Variants in WFIKKN1 observed in about 807,000 individuals in gnomAD.
The protein encoded by WFIKKN1 is WAP, Kazal, immunoglobulin, Kunitz and NTR domain-containing protein 1.
WFIKKN1 carries 6 observed loss-of-function variants against 4.6 expected under a neutral mutation model. The ratio of observed to expected loss-of-function variants is 1.31; its 90% confidence interval spans 0.72 to 2.59. The LOEUF (loss-of-function observed/expected upper bound fraction) is 2.59. Among genes scored for constraint, WFIKKN1 ranks in the 30% most tolerant of loss-of-function variants. WFIKKN1 has a pLI of 0.00. For synonymous variants in WFIKKN1, 468 were observed against 367.4 expected (o/e 1.27, Z -3.13); for missense variants, 964 against 818.0 (o/e 1.18, Z -2.18).
rs755902478 is a variant in WFIKKN1 at position 632,896 on chromosome 16, C to T, written c.486C>T (p.Ser162=). The change falls in exon 2 of 2, where the codon AGC becomes AGT. Residue 162 remains serine (S), a synonymous_variant. Transcript: ENST00000319070. ...TCGTGCCCTGCAAGCACGTGCTCAG[C>T]TGGCCGCCCAGCAGCCCGGGGCCGC... ...LHIVPCKHVL[S]WPPSSPGPPE... 1.3e-6 allele frequency: 2 copies of T among 1,568,510 alleles called. No individual in the cohort carries two copies. Among genetic ancestry groups the T allele is most frequent in the East Asian group, 2.3e-5 (1 of 44,024 alleles).
Position 633,917 on chromosome 16 carries a change from A to G in WFIKKN1, c.1507A>G (p.Ile503Val), listed in dbSNP as rs1203443780. 6.3e-7 allele frequency: 1 copy of G among 1,595,096 alleles called. No individual in the cohort carries two copies. Among genetic ancestry groups the G allele is most frequent in the Non-Finnish European group, 8.5e-7 (1 of 1,171,804 alleles). The part of the protein sequence containing the change: ...NMTAGDGPLV[I>V]MGEVRDGVAV... ...GACGGCGGGCGACGGGCCGCTGGTC[A>G]TCATGGGTGAGGTGCGCGATGGCGT... is the stretch of plus-strand genomic sequence containing the variant. Residue 503 changes from isoleucine (I) to valine (V), a missense_variant, in exon 2 of 2, where the codon ATC becomes GTC. By Grantham distance (29) the Ile-to-Val change is conservative. Transcript: ENST00000319070.
rs374779276 is a variant in WFIKKN1 at position 632,901 on chromosome 16, C to T, written c.491C>T (p.Pro164Leu). 2.2e-5 allele frequency: 35 copies of T among 1,566,488 alleles called. No homozygotes were observed. Among genetic ancestry groups the T allele is most frequent in the Non-Finnish European group, 2.8e-5 (32 of 1,156,676 alleles). Reference sequence around the variant, plus strand: ...CCCTGCAAGCACGTGCTCAGCTGGCCGCCCAGCAGCCCGGGGCCGCCGGAG... The same window carrying T: ...CCCTGCAAGCACGTGCTCAGCTGGCTGCCCAGCAGCCCGGGGCCGCCGGAG... ...IVPCKHVLSW[P>L]PSSPGPPETT... Residue 164 changes from proline (P) to leucine (L), a missense_variant, in exon 2 of 2, where the codon CCG (proline) becomes CTG (leucine). Coordinates refer to ENST00000319070, the MANE Select transcript of WFIKKN1 (RefSeq NM_053284.3).
rs1170916752 is a variant in WFIKKN1, at chr16:633,347, C to T, written c.937C>T (p.His313Tyr). The change falls in exon 2 of 2, where the codon CAC (histidine) becomes TAC (tyrosine). Residue 313 changes from histidine to tyrosine, a missense_variant. Physicochemically the swap from His to Tyr is moderately conservative, Grantham distance 83 (BLOSUM62 2). Coordinates refer to ENST00000319070, the MANE Select transcript of WFIKKN1 (RefSeq NM_053284.3). ...VQACTGPTSPHLVLWHYDPQR... is the reference protein window; with the variant it reads ...VQACTGPTSPYLVLWHYDPQR... ...GGCCTGCACGGGCCCCACTTCCCCA[C>T]ACCTTGTCCTCTGGCACTACGACCC... The T allele has an allele frequency of 1.3e-6, 2 of 1,576,652 alleles. No homozygotes were observed. The highest frequency in any genetic ancestry group is 8.6e-7 in the Non-Finnish European group (1 of 1,165,994).
In WFIKKN1 at chr16:632,627, C is replaced by T. The variant is rs138345591; in HGVS notation, c.217C>T (p.His73Tyr). The T allele has an allele frequency of 9.4e-6, 15 of 1,593,624 alleles. No homozygotes were observed. The highest frequency in any genetic ancestry group is 6.9e-5 in the Admixed American group (4 of 58,310). ...EKCCINVCGL[H>Y]SCVAARFPGS... is the part of the protein sequence containing the mutation. ...GTGCTGCATCAACGTGTGTGGACTG[C>T]ACAGCTGCGTGGCAGCACGCTTCCC... The change falls in exon 2 of 2, where the codon CAC becomes TAC. Residue 73 changes from histidine to tyrosine, a missense_variant. Physicochemically the swap from His to Tyr is moderately conservative, Grantham distance 83 (BLOSUM62 2). Transcript: ENST00000319070.
In WFIKKN1 at chr16:633,292, A is replaced by C. The variant is rs781475395; in HGVS notation, c.882A>C (p.Pro294=). 1 of 1,587,850 alleles carries C rather than the reference A, an allele frequency of 6.3e-7. No individual in the cohort carries two copies. The highest frequency in any genetic ancestry group is 1.1e-5 in the South Asian group (1 of 88,180). Reference sequence around the variant, plus strand: ...CCAGGGACGCAGCCCCCAGCATCCCAGCCCCGGCCGAGTGCCTGCCGGATG... The same window carrying C: ...CCAGGGACGCAGCCCCCAGCATCCCCGCCCCGGCCGAGTGCCTGCCGGATG... The part of the protein sequence containing the change: ...EPARDAAPSI[P]APAECLPDVQ... The change falls in exon 2 of 2, where the codon CCA becomes CCC. Residue 294 remains proline, a synonymous_variant. Coordinates refer to ENST00000319070, the MANE Select transcript of WFIKKN1 (RefSeq NM_053284.3).
At position 631,434 on chromosome 16, in the gene WFIKKN1, G is replaced by T. The variant is rs1202627213; in HGVS notation, c.171+10G>T. The T allele has an allele frequency of 3.7e-6, 6 of 1,603,182 alleles. No homozygotes were observed. Among genetic ancestry groups the T allele is most frequent in the South Asian group, 3.3e-5 (3 of 90,732 alleles). On this transcript the variant is annotated intron_variant, in intron 1 of 1. Transcript: ENST00000319070. ...GTGTAGCAGGGACCAGGTGAGTGTG[G>T]TCGGGCCGGGGTCCTGGGGCTCAGA...
rs766998885 is a variant in WFIKKN1, at chr16:631,276, T to A, written c.23T>A (p.Leu8Gln). 1 of 1,582,376 alleles carries A rather than the reference T, an allele frequency of 6.3e-7. No individual in the cohort carries two copies. The highest frequency in any genetic ancestry group is 2.3e-5 in the East Asian group (1 of 43,642). The change falls in exon 1 of 2, where the codon CTG (leucine) becomes CAG (glutamine). Residue 8 changes from leucine to glutamine, a missense_variant. Physicochemically the swap from Leu to Gln is moderately radical, Grantham distance 113 (BLOSUM62 -2). Coordinates refer to ENST00000319070, the MANE Select transcript of WFIKKN1 (RefSeq NM_053284.3). ...CTCATGCCCGCCCTACGTCCACTCC[T>A]GCCGCTCCTGCTCCTCCTCCGGCTG... MPALRPLLPLLLLLRLTS... is the reference protein window; with the variant it reads MPALRPLQPLLLLLRLTS...
In WFIKKN1 at chr16:631,205, AG is replaced by A; in HGVS notation, c.-47del. On this transcript the variant is annotated 5_prime_UTR_variant, in exon 1 of 2. Transcript: ENST00000319070. ...AGGAAGCTGGGCTCTGTGGAGCCCG[AG>A]GAGGGGCTGGTGGCCACACCCCCCG... The A allele has an allele frequency of 6.6e-7, 1 of 1,516,544 alleles. No homozygotes were observed. The highest frequency in any genetic ancestry group is 8.8e-7 in the Non-Finnish European group (1 of 1,137,370). The allele number at this position is 1,516,544 out of a possible 1,614,324, so 93.9% of individuals were successfully genotyped here. A position where few individuals can be genotyped will look rare whatever the true frequency, so the allele number is the denominator to read the frequency against.
At position 633,561 on chromosome 16, in the gene WFIKKN1, G is replaced by A. The variant is rs1225736474; in HGVS notation, c.1151G>A (p.Cys384Tyr). Reference protein sequence around the residue: ...RWAYSPLLQQCHPFVYGGCEG... With the variant: ...RWAYSPLLQQYHPFVYGGCEG... ...GCCTACAGCCCGCTGCTGCAGCAGT[G>A]CCATCCCTTCGTGTACGGTGGCTGC... The change falls in exon 2 of 2, where the codon TGC (cysteine) becomes TAC (tyrosine). Residue 384 changes from cysteine to tyrosine, a missense_variant. Cys to Tyr is a radical substitution (Grantham distance 194). Coordinates refer to ENST00000319070, the MANE Select transcript of WFIKKN1 (RefSeq NM_053284.3). The A allele has an allele frequency of 1.3e-6, 2 of 1,553,764 alleles. No homozygotes were observed. Among genetic ancestry groups the A allele is most frequent in the Non-Finnish European group, 1.7e-6 (2 of 1,157,878 alleles).
In WFIKKN1 at chr16:632,820, A is replaced by G. The variant is rs1034946475; in HGVS notation, c.410A>G (p.Asn137Ser). The change falls in exon 2 of 2, where the codon AAC (asparagine) becomes AGC (serine). Residue 137 changes from asparagine (N) to serine (S), a missense_variant. Coordinates refer to ENST00000319070, the MANE Select transcript of WFIKKN1 (RefSeq NM_053284.3). ...GCCTCGGACGGCCTCACCTACTACA[A>G]CCGCTGCTATATGGACGCCGAGGCC... is the stretch of plus-strand genomic sequence containing the variant. ...TCASDGLTYY[N>S]RCYMDAEACL... 1.6e-5 allele frequency: 26 copies of G among 1,586,834 alleles called. No homozygotes were observed. Among genetic ancestry groups the G allele is most frequent in the Non-Finnish European group, 2.2e-5 (26 of 1,165,380 alleles).
chr16:631,308 G>A lies in WFIKKN1; in HGVS notation c.55G>A (p.Gly19Arg). 6.2e-7 allele frequency: 1 copy of A among 1,600,292 alleles called. No individual in the cohort carries two copies. The highest frequency in any genetic ancestry group is 1.1e-5 in the South Asian group (1 of 90,740). The change falls in exon 1 of 2, where the codon GGG (glycine) becomes AGG (arginine). Residue 19 changes from glycine to arginine, a missense_variant. Physicochemically the swap from Gly to Arg is moderately radical, Grantham distance 125 (BLOSUM62 -2). Transcript: ENST00000319070. ...CCTGCTCCTCCTCCGGCTGACCTCG[G>A]GGGCTGGCTTGCTGCCAGGGCTGGG... ...PLLLLLRLTSGAGLLPGLGSH... is the reference protein window; with the variant it reads ...PLLLLLRLTSRAGLLPGLGSH...
chr16:633,931 G>A lies in WFIKKN1; in HGVS notation c.1521G>A (p.Val507=), dbSNP rs1308662931. The A allele has an allele frequency of 2.5e-6, 4 of 1,594,436 alleles. No homozygotes were observed. The highest frequency in any genetic ancestry group is 1.3e-5 in the African/African-American group (1 of 74,432). ...GDGPLVIMGE[V]RDGVAVLDAG... Reference sequence around the variant, plus strand: ...GGCCGCTGGTCATCATGGGTGAGGTGCGCGATGGCGTGGCCGTGCTGGACG... The same window carrying A: ...GGCCGCTGGTCATCATGGGTGAGGTACGCGATGGCGTGGCCGTGCTGGACG... The change falls in exon 2 of 2, where the codon GTG becomes GTA. Residue 507 remains valine, a synonymous_variant. Transcript: ENST00000319070.
rs750629032 is a variant in WFIKKN1, at chr16:633,402, C to T, written c.992C>T (p.Ala331Val). The part of the protein sequence containing the change: ...PQRGGCMTFP[A>V]RGCDGAARGF... ...CGGGGCGGCTGCATGACCTTCCCGG[C>T]CCGTGGCTGTGATGGGGCGGCCCGC... Residue 331 changes from alanine to valine, a missense_variant, in exon 2 of 2, where the codon GCC becomes GTC. Ala to Val is a moderately conservative substitution (Grantham distance 64). Coordinates refer to ENST00000319070, the MANE Select transcript of WFIKKN1 (RefSeq NM_053284.3). 14 of 1,558,380 alleles carry T rather than the reference C, an allele frequency of 9.0e-6. No homozygotes were observed. Among genetic ancestry groups the T allele is most frequent in the South Asian group, 5.9e-5 (5 of 84,780 alleles).
At position 633,785 on chromosome 16, in the gene WFIKKN1, C is replaced by G. The variant is rs781180224; in HGVS notation, c.1375C>G (p.Leu459Val). ...CGCCGGCGGCATCGCCCGCGTGGCG[C>G]TCGAGGACGTGCTCAAGGATGACAA... ...EAAGGIARVA[L>V]EDVLKDDKMG... The change falls in exon 2 of 2, where the codon CTC becomes GTC. Residue 459 changes from leucine to valine, a missense_variant. Coordinates refer to ENST00000319070, the MANE Select transcript of WFIKKN1 (RefSeq NM_053284.3). The G allele has an allele frequency of 6.2e-7, 1 of 1,600,602 alleles. No homozygotes were observed. The highest frequency in any genetic ancestry group is 1.1e-5 in the South Asian group (1 of 89,102).
rs781607205 is a variant in WFIKKN1, at chr16:631,246, C to T, written c.-8C>T. 2.6e-5 allele frequency: 41 copies of T among 1,547,360 alleles called. No individual in the cohort carries two copies. The highest frequency in any genetic ancestry group is 4.2e-4 in the Middle Eastern group (2 of 4,746). ...CACACCCCCCGGCCCCCTGGCTCGG[C>T]GGCCCTCATGCCCGCCCTACGTCCA... is the stretch of plus-strand genomic sequence containing the variant. On this transcript the variant is annotated 5_prime_UTR_variant, in exon 1 of 2. Transcript: ENST00000319070.
At position 633,175 on chromosome 16, in the gene WFIKKN1, C is replaced by G. The variant is rs759915390; in HGVS notation, c.765C>G (p.Pro255=). The G allele has an allele frequency of 1.9e-6, 3 of 1,595,432 alleles. No homozygotes were observed. The highest frequency in any genetic ancestry group is 1.7e-6 in the Non-Finnish European group (2 of 1,169,094). ...IGQLVLYNAR[P]EDAGLYTCTA... The stretch of plus-strand genomic sequence containing the variant: ...AGCTGGTGCTCTACAACGCGCGGCC[C>G]GAAGACGCCGGCCTGTACACCTGCA... The change falls in exon 2 of 2, where the codon CCC becomes CCG. Residue 255 remains proline, a synonymous_variant. Coordinates refer to ENST00000319070, the MANE Select transcript of WFIKKN1 (RefSeq NM_053284.3).
chr16:632,584 CTG>C lies in WFIKKN1; in HGVS notation c.177_178del (p.Ala60GlyfsTer3). On this transcript the variant is annotated frameshift_variant, in exon 2 of 2. Coordinates refer to ENST00000319070, the MANE Select transcript of WFIKKN1 (RefSeq NM_053284.3). LOFTEE classifies it low-confidence loss of function (END_TRUNC). ...CERECSRDQD[C>X]AAAEKCCINV... ...ACCTAAGTGTCCCCCATCCCCAGGA[CTG>C]TGCGGCTGCTGAGAAGTGCTGCATC... is the stretch of plus-strand genomic sequence containing the variant. 6.5e-7 allele frequency: 1 copy of C among 1,541,772 alleles called. No homozygotes were observed. Among genetic ancestry groups the C allele is most frequent in the African/African-American group, 1.4e-5 (1 of 72,448 alleles).
At position 632,834 on chromosome 16, in the gene WFIKKN1, G is replaced by C; in HGVS notation, c.424G>C (p.Asp142His). Residue 142 changes from aspartate to histidine, a missense_variant, in exon 2 of 2, where the codon GAC (aspartate) becomes CAC (histidine). Asp to His is a moderately conservative substitution (Grantham distance 81, BLOSUM62 -1). Coordinates refer to ENST00000319070, the MANE Select transcript of WFIKKN1 (RefSeq NM_053284.3). ...GLTYYNRCYM[D>H]AEACLRGLHL... is the part of the protein sequence containing the mutation. The stretch of plus-strand genomic sequence containing the variant: ...CACCTACTACAACCGCTGCTATATG[G>C]ACGCCGAGGCCTGCCTGCGGGGCCT... The C allele has an allele frequency of 6.4e-7, 1 of 1,573,196 alleles. No individual in the cohort carries two copies. Among genetic ancestry groups the C allele is most frequent in the African/African-American group, 1.4e-5 (1 of 74,032 alleles).
In WFIKKN1 at chr16:633,929, G is replaced by A; in HGVS notation, c.1519G>A (p.Val507Met). 1 of 1,594,702 alleles carries A rather than the reference G, an allele frequency of 6.3e-7. No homozygotes were observed. The highest frequency in any genetic ancestry group is 8.5e-7 in the Non-Finnish European group (1 of 1,171,588). The change falls in exon 2 of 2, where the codon GTG (valine) becomes ATG (methionine). Residue 507 changes from valine (V) to methionine (M), a missense_variant. By Grantham distance (21) the Val-to-Met change is conservative. Transcript: ENST00000319070. ...CGGGCCGCTGGTCATCATGGGTGAG[G>A]TGCGCGATGGCGTGGCCGTGCTGGA... ...GDGPLVIMGE[V>M]RDGVAVLDAG...
Sources: gnomAD v4.1 joint callset for allele counts on GRCh38, gnomAD v4.1.1 for gene constraint, MANE v1.5 for transcripts, NCBI Gene and HGNC (gene_info 2026-07-23, HGNC 2026-07-21) for gene names.